The following OR9Q1 variants were observed in gnomAD, a reference collection of about 807,000 sequenced individuals.
The protein encoded by OR9Q1 is olfactory receptor family 9 subfamily Q member 1, also known as olfactory receptor 9Q1.
For synonymous variants in OR9Q1, 153 were observed against 148.6 expected (o/e 1.03, Z -0.22); for missense variants, 374 against 378.8 (o/e 0.99, Z 0.11).
intron 2 of OR9Q1, among the ~76,000 whole-genome samples, chr11:58,126,372 CCT>C (rs879804516): frequency 6.6e-6 from 1 of 152,170 alleles, no homozygotes; most frequent in African/African-American, 2.4e-5. Context: ...TTCAGTAGAA[CCT>C]CTCTGTGTCC....
At chr11:58,085,744 C>T (rs1029920200) in intron 2 of OR9Q1, among the ~76,000 whole-genome samples, 4 of 151,720 alleles carry the variant, frequency 2.6e-5, no homozygotes, top group Admixed American at 2.6e-4. Flanking sequence ...CTTCAATGGG[C>T]TCTTTACTAT....
chr11:58,169,255 T>C (rs1260226167), intron 2 of OR9Q1, among the ~76,000 whole-genome samples: 1 of 152,172 alleles, frequency 6.6e-6, no homozygotes. Context: ...TTTTAATCCT[T>C]GAGTCCAGAA....
At chr11:58,067,866 G>A (rs907702914) in intron 2 of OR9Q1, among the ~76,000 whole-genome samples, 8 of 152,210 alleles carry the variant, frequency 5.3e-5, no homozygotes, top group African/African-American at 9.6e-5. Flanking sequence ...AACGGGGAAG[G>A]GCATGCTCTG....
intron 2 of OR9Q1, chr11:58,118,777 TTGA>T (rs757421357): frequency 5.0e-6 from 8 of 1,613,970 alleles, no homozygotes; most frequent in South Asian, 1.1e-5. Context: ...CAAAATGGTC[TTGA>T]TGATGAGCAG....
At chr11:58,162,131 A>G (rs952508372) in intron 2 of OR9Q1, among the ~76,000 whole-genome samples, 105 of 151,582 alleles carry the variant, frequency 6.9e-4, no homozygotes, top group African/African-American at 2.5e-3. Context: ...GTTCTTGAAG[A>G]AGGTTCCTAA....
At chr11:58,119,321 T>A in intron 2 of OR9Q1, 1 of 1,613,824 alleles carries the variant, frequency 6.2e-7, no homozygotes, top group Non-Finnish European at 8.5e-7. Flanking sequence ...ATCCCCACAT[T>A]CCCAAGAAGG....
Position 58,157,758 on chromosome 11 carries a change from G to A in OR9Q1, c.-14-21673G>A, listed in dbSNP as rs577069860. On this transcript the variant is annotated intron_variant, in intron 2 of 2. Transcript: ENST00000335397. ...CTCTACCAGCAGGTCCTTTCCTAAT[G>A]AGGCTTGAAATACATATGGAATGTT... is the stretch of plus-strand genomic sequence containing the variant. Among the ~76,000 whole-genome samples, 3 of 152,290 alleles carry A rather than the reference G, an allele frequency of 2.0e-5. No individual in the cohort carries two copies. The South Asian group carries it at 6.2e-4, about 32-fold the overall frequency.
At chr11:58,042,746 A>G (rs1245255260) in intron 1 of OR9Q1, among the ~76,000 whole-genome samples, 1 of 152,134 alleles carries the variant, frequency 6.6e-6, no homozygotes, top group Non-Finnish European at 1.5e-5. Context: ...CAGTATGGCC[A>G]TTTTCACGAT....
intron 2 of OR9Q1, among the ~76,000 whole-genome samples, chr11:58,062,222 A>T (rs896124669): frequency 6.6e-6 from 1 of 152,218 alleles, no homozygotes; most frequent in African/African-American, 2.4e-5. Context: ...TAAGCCTAGC[A>T]TTGTGGCACA....
At chr11:58,043,453 A>T (rs1853186172) in intron 1 of OR9Q1, among the ~76,000 whole-genome samples, 1 of 152,156 alleles carries the variant, frequency 6.6e-6, no homozygotes, top group South Asian at 2.1e-4. Context: ...TTTATACTGA[A>T]GTAGTTCAGA....
intron 1 of OR9Q1, chr11:58,041,400 G>T (rs1220443486): frequency 6.5e-6 from 1 of 153,438 alleles, no homozygotes. Context: ...TGGGGTCTGG[G>T]TGGCCAATGA....
intron 2 of OR9Q1, among the ~76,000 whole-genome samples, chr11:58,130,028 T>C (rs1015546179): frequency 6.6e-5 from 10 of 152,170 alleles, no homozygotes; most frequent in African/African-American, 2.2e-4. Context: ...CAACCCATCA[T>C]ATAGGTTTTA....
intron 1 of OR9Q1, among the ~76,000 whole-genome samples, chr11:58,054,570 A>G (rs1853308885): frequency 6.6e-6 from 1 of 152,248 alleles, no homozygotes; most frequent in South Asian, 2.1e-4. Context: ...CAAGTGCATG[A>G]AAATACTTGT....
chr11:58,068,775 GC>G (rs1414590002), intron 2 of OR9Q1, among the ~76,000 whole-genome samples: 1 of 152,118 alleles, frequency 6.6e-6, no homozygotes, highest in Non-Finnish European at 1.5e-5. Flanking sequence ...GGTGTGAATA[GC>G]GGCTCTCAGG....
At chr11:58,041,513 A>T (rs188481106) in intron 1 of OR9Q1, 1 of 153,004 alleles carries the variant, frequency 6.5e-6, no homozygotes, top group Admixed American at 6.5e-5. Flanking sequence ...TGTCAGACGA[A>T]GATGCCTAAG....
intron 2 of OR9Q1, chr11:58,077,835 G>A (rs1183065492): frequency 1.3e-5 from 2 of 152,160 alleles, no homozygotes; most frequent in African/African-American, 4.8e-5. Context: ...GTCCTCAGGT[G>A]TAGGCATTCA....
chr11:58,063,839 CT>C (rs1227983902), intron 2 of OR9Q1, among the ~76,000 whole-genome samples: 2 of 152,236 alleles, frequency 1.3e-5, no homozygotes, highest in Admixed American at 6.5e-5. Flanking sequence ...TTAATATATA[CT>C]GAAGATCATA....
chr11:58,160,993 C>T (rs1279366607), intron 2 of OR9Q1, among the ~76,000 whole-genome samples: 1 of 151,754 alleles, frequency 6.6e-6, no homozygotes, highest in Non-Finnish European at 1.5e-5. Flanking sequence ...AATTGAATAC[C>T]CTTTATTTCT....
chr11:58,149,388 T>C (rs2119890742), intron 2 of OR9Q1, among the ~76,000 whole-genome samples: 1 of 152,300 alleles, frequency 6.6e-6, no homozygotes. Flanking sequence ...TAGTTGGCAC[T>C]TAACTAACTT....
Sources: gnomAD v4.1 joint callset for allele counts (sites outside exome capture counted in the v4.1 genomes callset) on GRCh38, gnomAD v4.1.1 for gene constraint, MANE v1.5 for transcripts, NCBI Gene and HGNC (gene_info 2026-07-23, HGNC 2026-07-21) for gene names.